The following TRPA1 variants were observed in gnomAD, a reference collection of about 807,000 sequenced individuals.
TRPA1 encodes transient receptor potential cation channel subfamily A member 1.
TRPA1 carries 129 observed loss-of-function variants against 131.3 expected under a neutral mutation model. The observed-to-expected ratio is 0.98, with a 90% CI of 0.85 to 1.14. TRPA1 has a LOEUF of 1.14. TRPA1 is among the 50% of genes most tolerant of loss of function. The pLI, the probability that TRPA1 is intolerant of heterozygous loss-of-function variation, is 0.00. For missense variants in TRPA1, 1,304 were observed against 1,354.2 expected, an observed-to-expected ratio of 0.96 and a Z score of 0.58; for synonymous variants, 441 against 451.7, an observed-to-expected ratio of 0.98 and a Z score of 0.30.
At position 72,062,902 on chromosome 8, in the gene TRPA1, A is replaced by G. The variant is rs750782877; in HGVS notation, c.704T>C (p.Met235Thr). Residue 235 changes from methionine (M) to threonine (T), a missense_variant, in exon 6 of 27, where the codon ATG (methionine) becomes ACG (threonine). Transcript: ENST00000262209. Reference sequence around the variant, plus strand: ...GAGAGGGGTGGCTTTCCCATTATTCATAAAGTTAATGTGCAACTGTCTACT... The same window carrying G: ...GAGAGGGGTGGCTTTCCCATTATTCGTAAAGTTAATGTGCAACTGTCTACT... ...GYSRQLHINF[M>T]NNGKATPLHL... The G allele has an allele frequency of 6.2e-7, 1 of 1,614,026 alleles. No homozygotes were observed. Among genetic ancestry groups the G allele is most frequent in the East Asian group, 2.2e-5 (1 of 44,874 alleles).
At chr8:72,023,139 T>C in intron 26 of TRPA1, 23 bp from the exon 27 acceptor site, 1 of 1,606,208 alleles carries the variant, frequency 6.2e-7, no homozygotes, top group Non-Finnish European at 8.5e-7. Context: ...ACACATTTCA[T>C]GAATTTATTT....
intron 17 of TRPA1, 144 bp downstream of exon 17, chr8:72,046,369 G>C: frequency 2.1e-6 from 1 of 484,366 alleles, no homozygotes; most frequent in Non-Finnish European, 3.6e-6. Context: ...AAACTATTTA[G>C]ATAATGAGAT....
At chr8:72,047,312 CCTTGGTTT>C (rs1267050814) in intron 15 of TRPA1, 105 bp from the exon 16 acceptor site, 1 of 854,812 alleles carries the variant, frequency 1.2e-6, no homozygotes, top group Non-Finnish European at 1.9e-6. Flanking sequence ...CCTTTCCTTT[CCTTGGTTT>C]CTTGCATCTC....
chr8:72,057,570 T>C, intron 9 of TRPA1, 147 bp downstream of exon 9: 1 of 720,542 alleles, frequency 1.4e-6, no homozygotes, highest in South Asian at 1.5e-5. Context: ...AACTGTTCTG[T>C]TTATTTTTAA....
chr8:72,022,878 T>C lies in TRPA1; in HGVS notation c.*28A>G. ...GAACCAGCAAGTCATGCACCCCCCATTAGAAGCCTCACTGAAGGTCTGAGG... is the reference window on the plus strand; with the variant it reads ...GAACCAGCAAGTCATGCACCCCCCACTAGAAGCCTCACTGAAGGTCTGAGG... On this transcript the variant is annotated 3_prime_UTR_variant, in exon 27 of 27. Coordinates refer to ENST00000262209, the MANE Select transcript of TRPA1 (RefSeq NM_007332.3). 4 of 1,604,368 alleles carry C rather than the reference T, an allele frequency of 2.5e-6. No homozygotes were observed. The highest frequency in any genetic ancestry group is 3.3e-4 in the Middle Eastern group (2 of 6,042).
chr8:72,068,969 G>T (rs1805991424), intron 3 of TRPA1, 54 bp downstream of exon 3: 1 of 1,596,646 alleles, frequency 6.3e-7, no homozygotes, highest in Admixed American at 1.7e-5. Flanking sequence ...CTGGATCTGG[G>T]TCCCAGCACC....
At chr8:72,060,433 G>C (rs1295279193) in intron 7 of TRPA1, 1 of 151,970 alleles carries the variant, frequency 6.6e-6, no homozygotes, top group Admixed American at 6.6e-5. Flanking sequence ...GAGAATTTCT[G>C]GTCTAGAGGT....
At position 72,057,736 on chromosome 8, in the gene TRPA1, T is replaced by C; in HGVS notation, c.1074A>G (p.Val358=). 3 of 1,613,802 alleles carry C rather than the reference T, an allele frequency of 1.9e-6. No homozygotes were observed. Among genetic ancestry groups the C allele is most frequent in the Non-Finnish European group, 2.5e-6 (3 of 1,179,806 alleles). ...LATASASWNI[V]NLLLSKGAQV... ...TGGTACCTTTAGAGAGTAGCAAATT[T>C]ACAATATTCCAAGATGCAGAAGCAG... The change falls in exon 9 of 27, where the codon GTA becomes GTG. Residue 358 remains valine (V), a synonymous_variant. Transcript: ENST00000262209.
chr8:72,039,268 G>A (rs550115691), intron 18 of TRPA1, among the ~76,000 whole-genome samples: 1 of 152,096 alleles, frequency 6.6e-6, no homozygotes, highest in East Asian at 1.9e-4. Context: ...CATATAATCT[G>A]TCGGCAATAT....
intron 2 of TRPA1, among the ~76,000 whole-genome samples, chr8:72,071,066 C>G (rs1163246428): frequency 6.6e-6 from 1 of 152,202 alleles, no homozygotes; most frequent in Non-Finnish European, 1.5e-5. Context: ...TGACTTTATA[C>G]ACCAATATCT....
intron 15 of TRPA1, 59 bp from the exon 16 acceptor site, chr8:72,047,266 T>C (rs1386968541): frequency 7.3e-6 from 9 of 1,234,950 alleles, no homozygotes; most frequent in Non-Finnish European, 1.1e-5. Flanking sequence ...TTAGGAAAGA[T>C]TTTATCCTAT....
chr8:72,083,977 T>A, the TRPA1 span, among the ~76,000 whole-genome samples: 725 of 152,288 alleles, frequency 4.8e-3, 3 homozygotes, highest in African/African-American at 0.017. Context: ...GAAAGCTGGG[T>A]ACTAGTTAAA....
intron 17 of TRPA1, 24 bp from the exon 18 acceptor site, chr8:72,039,821 TA>T (rs757213522): frequency 1.9e-5 from 28 of 1,489,542 alleles, no homozygotes; most frequent in Non-Finnish European, 2.6e-5. Flanking sequence ...AAAAGTGTAA[TA>T]AAAACACAAT....
chr8:72,037,220 CA>C (rs1195558150), intron 20 of TRPA1, among the ~76,000 whole-genome samples: 2 of 152,016 alleles, frequency 1.3e-5, no homozygotes, highest in Non-Finnish European at 2.9e-5. Flanking sequence ...CCATTATTAT[CA>C]AATTTATAAA....
At chr8:72,063,235 G>T (rs1805849223) in intron 5 of TRPA1, among the ~76,000 whole-genome samples, 1 of 151,948 alleles carries the variant, frequency 6.6e-6, no homozygotes, top group African/African-American at 2.4e-5. Context: ...CAAAAAATTA[G>T]ATGGGCATGG....
intron 26 of TRPA1, 53 bp downstream of exon 26, chr8:72,023,761 A>C (rs1792615613): frequency 1.9e-6 from 2 of 1,030,674 alleles, no homozygotes; most frequent in African/African-American, 3.1e-5. Context: ...ATTGTGCATT[A>C]TTATTTATGA....
rs1261157454 is a variant in TRPA1 at position 72,023,041 on chromosome 8, G to T, written c.3225C>A (p.Ile1075=). 1 of 1,613,792 alleles carries T rather than the reference G, an allele frequency of 6.2e-7. No individual in the cohort carries two copies. Among genetic ancestry groups the T allele is most frequent in the African/African-American group, 1.3e-5 (1 of 75,042 alleles). The change falls in exon 27 of 27, where the codon ATC becomes ATA. Residue 1075 remains isoleucine (I), a synonymous_variant. Transcript: ENST00000262209. The stretch of plus-strand genomic sequence containing the variant: ...GGCTATCATCATCCTCTGTCTCAGA[G>T]ATGATCTCCATCTTCTGAATGATCA... ...IKLIIQKMEI[I]SETEDDDSHC... is the part of the protein sequence containing the mutation.
Position 72,063,027 on chromosome 8 carries a change from G to GT in TRPA1, c.662-84dup, listed in dbSNP as rs1296772129. The GT allele has an allele frequency of 4.5e-6, 6 of 1,343,388 alleles. No individual in the cohort carries two copies. The African/African-American group carries it at 8.9e-5, about 20-fold the overall frequency. 83.2% of individuals were successfully genotyped at this position (1,343,388 alleles called of 1,614,324 possible). A position where few individuals can be genotyped will look rare whatever the true frequency, so the allele number is the denominator to read the frequency against. On this transcript the variant is annotated intron_variant, in intron 5 of 26. Coordinates refer to ENST00000262209, the MANE Select transcript of TRPA1 (RefSeq NM_007332.3). ...TTTTTGTTAAAAAATATGAACAAAGGTAAAAAAACAATGAAAGGGCACCGA... is the reference window on the plus strand; with the variant it reads ...TTTTTGTTAAAAAATATGAACAAAGGTTAAAAAAACAATGAAAGGGCACCGA...
At chr8:72,059,282 A>G in intron 8 of TRPA1, 108 bp downstream of exon 8, 1 of 758,554 alleles carries the variant, frequency 1.3e-6, no homozygotes, top group Admixed American at 2.6e-5. Flanking sequence ...TTTGCTGATA[A>G]GCAAGAAATC....
Sources: gnomAD v4.1 joint callset for allele counts (sites outside exome capture counted in the v4.1 genomes callset) on GRCh38, gnomAD v4.1.1 for gene constraint, MANE v1.5 for transcripts, NCBI Gene and HGNC (gene_info 2026-07-23, HGNC 2026-07-21) for gene names.